Variants in RARB observed in about 807,000 individuals in gnomAD.
RARB encodes the protein retinoic acid receptor beta, also known as HBV-activated protein.
In RARB, 17 loss-of-function variants were observed where a neutral mutation model predicts 51.9. The observed-to-expected ratio is 0.33, with a 90% confidence interval of 0.22 to 0.49. RARB has a LOEUF of 0.49. RARB is among the 20% of genes least tolerant of loss of function. The probability of loss-of-function intolerance (pLI) is 0.99; values close to 1 mark genes in which losing one functional copy is unlikely to be tolerated. For missense variants in RARB, 369 were observed against 550.8 expected (o/e 0.67, Z 3.30); for synonymous variants, 215 against 195.4 (o/e 1.10, Z -0.84).
At chr3:25,497,343 G>C (rs1430730906) in intron 2 of RARB, among the ~76,000 whole-genome samples, 1 of 152,190 alleles carries the variant, frequency 6.6e-6, no homozygotes, top group African/African-American at 2.4e-5. Flanking sequence ...TGTCCTTTAA[G>C]CCACAGGCTG....
At chr3:24,852,223 G>C (rs114489622) in intron 1 of RARB, among the ~76,000 whole-genome samples, 1 of 152,078 alleles carries the variant, frequency 6.6e-6, no homozygotes, top group African/African-American at 2.4e-5. Flanking sequence ...TTATATTTGC[G>C]GGACGAATCT....
chr3:25,336,428 T>C (rs1483184019), intron 5 of RARB, among the ~76,000 whole-genome samples: 1 of 152,210 alleles, frequency 6.6e-6, no homozygotes, highest in Admixed American at 6.6e-5. Flanking sequence ...TAATAAAATG[T>C]ATTTTATTCA....
intron 5 of RARB, among the ~76,000 whole-genome samples, chr3:25,335,484 C>T (rs1705036792): frequency 6.6e-6 from 1 of 152,210 alleles, no homozygotes; most frequent in Non-Finnish European, 1.5e-5. Context: ...ATTTTATTGG[C>T]TTCTGTCTCC....
intron 3 of RARB, among the ~76,000 whole-genome samples, chr3:25,518,184 G>A (rs984340760): frequency 6.6e-6 from 1 of 152,180 alleles, no homozygotes; most frequent in Non-Finnish European, 1.5e-5. Flanking sequence ...GTTAATTGAT[G>A]TAAGGGAAAA....
chr3:24,961,107 T>A (rs2125411491), intron 2 of RARB, among the ~76,000 whole-genome samples: 1 of 152,352 alleles, frequency 6.6e-6, no homozygotes, highest in South Asian at 2.1e-4. Context: ...TGAAAAGAAC[T>A]GTTCTGTCAT....
chr3:25,308,802 T>C (rs1704214820), intron 5 of RARB, among the ~76,000 whole-genome samples: 1 of 152,174 alleles, frequency 6.6e-6, no homozygotes, highest in Non-Finnish European at 1.5e-5. Context: ...TTTTTGTTCC[T>C]CTTGTGGCAG....
At chr3:25,487,847 C>T (rs1278290488) in intron 2 of RARB, among the ~76,000 whole-genome samples, 1 of 152,168 alleles carries the variant, frequency 6.6e-6, no homozygotes, top group African/African-American at 2.4e-5. Context: ...TAATGTGCCT[C>T]TTGTAGCCAT....
chr3:24,893,908 C>T (rs1703433415), intron 2 of RARB, among the ~76,000 whole-genome samples: 1 of 152,102 alleles, frequency 6.6e-6, no homozygotes, highest in Admixed American at 6.6e-5. Flanking sequence ...CAGATAAAGC[C>T]AGTGACTACA....
chr3:24,958,269 T>TTG (rs1696064921), intron 2 of RARB, among the ~76,000 whole-genome samples: 1 of 105,068 alleles, frequency 9.5e-6, no homozygotes, highest in Non-Finnish European at 2.1e-5. Context: ...TTTTTTTTTT[T>TTG]TTTTTTTTTT....
At chr3:24,911,453 T>G (rs901406569) in intron 2 of RARB, among the ~76,000 whole-genome samples, 1 of 152,240 alleles carries the variant, frequency 6.6e-6, no homozygotes, top group African/African-American at 2.4e-5. Context: ...CAATTTCTGT[T>G]GCATATGTAC....
chr3:24,857,792 G>A (rs1310900834), intron 1 of RARB, among the ~76,000 whole-genome samples: 1 of 152,116 alleles, frequency 6.6e-6, no homozygotes, highest in Non-Finnish European at 1.5e-5. Flanking sequence ...TTGAAGTGGT[G>A]GCATGTGCCT....
At chr3:25,414,245 C>A (rs1383654374) in intron 5 of RARB, among the ~76,000 whole-genome samples, 1 of 152,172 alleles carries the variant, frequency 6.6e-6, no homozygotes, top group Non-Finnish European at 1.5e-5. Context: ...TGGCATGTAT[C>A]AATAGTTCAT....
intron 5 of RARB, among the ~76,000 whole-genome samples, chr3:25,349,475 C>T (rs773707767): frequency 2.4e-4 from 36 of 152,204 alleles, no homozygotes; most frequent in Middle Eastern, 3.4e-3. Context: ...TATGGCAGGA[C>T]GTTAAGTTTG....
intron 1 of RARB, among the ~76,000 whole-genome samples, chr3:24,838,961 T>TA: frequency 6.6e-6 from 1 of 151,558 alleles, no homozygotes; most frequent in Non-Finnish European, 1.5e-5. Flanking sequence ...AAATCAAAAT[T>TA]AAAAACAAAA....
At chr3:25,114,936 G>T (rs1296725397) in intron 3 of RARB, among the ~76,000 whole-genome samples, 1 of 152,174 alleles carries the variant, frequency 6.6e-6, no homozygotes, top group Non-Finnish European at 1.5e-5. Flanking sequence ...GTTGGACTCT[G>T]AGTATAAAGA....
At chr3:25,285,654 C>A (rs528751876) in intron 5 of RARB, among the ~76,000 whole-genome samples, 3 of 152,072 alleles carry the variant, frequency 2.0e-5, no homozygotes, top group Non-Finnish European at 2.9e-5. Context: ...ATTTCAGAAA[C>A]TTTTCAGGTG....
chr3:24,880,037 C>T lies in RARB; in HGVS notation c.-380+21285C>T, dbSNP rs140092142. Among the ~76,000 whole-genome samples, 809 of 152,076 alleles carry T rather than the reference C, an allele frequency of 5.3e-3. 2 individuals carry two copies. Among genetic ancestry groups the T allele is most frequent in the Non-Finnish European group, 8.6e-3 (583 of 67,988 alleles). Reference sequence around the variant, plus strand: ...GACATAAACAAGATAAGGAGCTCCCCTTAGCTCTACGTTCCTGGTTTTTGA... The same window carrying T: ...GACATAAACAAGATAAGGAGCTCCCTTTAGCTCTACGTTCCTGGTTTTTGA... On this transcript the variant is annotated intron_variant, in intron 2 of 11. Transcript: ENST00000383772.
At chr3:25,573,732 A>G (rs1369274434) in intron 4 of RARB, among the ~76,000 whole-genome samples, 1 of 152,194 alleles carries the variant, frequency 6.6e-6, no homozygotes, top group African/African-American at 2.4e-5. Context: ...ACGGCAGGAA[A>G]CTTCCTGTCA....
At chr3:25,101,928 T>C (rs906230734) in intron 3 of RARB, among the ~76,000 whole-genome samples, 1 of 152,098 alleles carries the variant, frequency 6.6e-6, no homozygotes, top group Non-Finnish European at 1.5e-5. Flanking sequence ...TGTAACTCTT[T>C]AAAATAATTC....
Sources: allele counts gnomAD v4.1 joint callset (sites outside exome capture counted in the v4.1 genomes callset), GRCh38; gene constraint gnomAD v4.1.1; transcripts MANE v1.5; gene names NCBI Gene and HGNC (gene_info 2026-07-23, HGNC 2026-07-21).